Variants in ARV1 observed in about 807,000 individuals in gnomAD.
The protein encoded by ARV1 is ARV1 fatty acid homeostasis modulator, also known as protein ARV1.
In ARV1, 26 loss-of-function variants were observed where a neutral mutation model predicts 31.1. The observed-to-expected ratio is 0.84, with a 90% CI of 0.61 to 1.16. The LOEUF (loss-of-function observed/expected upper bound fraction) is 1.16. ARV1 is among the 50% of genes most tolerant of loss of function. The pLI, the probability that ARV1 is intolerant of heterozygous loss-of-function variation, is 0.00. For missense variants in ARV1, 281 were observed against 324.9 expected (o/e 0.86, Z 1.04); for synonymous variants, 117 against 123.2 (o/e 0.95, Z 0.34).
At chr1:230,990,423 G>T (rs993726087) in intron 3 of ARV1, among the ~76,000 whole-genome samples, 160 bp downstream of exon 3, 1 of 152,216 alleles carries the variant, frequency 6.6e-6, no homozygotes, top group African/African-American at 2.4e-5. Context: ...TACGAGGTGA[G>T]TGTGTTTGAA....
chr1:230,980,762 T>TAA lies in ARV1; in HGVS notation c.174+1483_174+1484insAA, dbSNP rs752035039. ...AGCATGCATACTGTTACTTCTTCCA[T>TAA]CAAAAAAAAAAAAAAAACCAACACC... On this transcript the variant is annotated intron_variant, in intron 1 of 5. Transcript: ENST00000310256. Among the ~76,000 whole-genome samples, 65 of 121,758 alleles carry TAA rather than the reference T, an allele frequency of 5.3e-4. 1 individual carries two copies. Among genetic ancestry groups the TAA allele is most frequent in the Middle Eastern group, 4.2e-3 (1 of 236 alleles). The allele number at this position is 121,758 out of a possible 152,430, so 79.9% of individuals were successfully genotyped here. A position where few individuals can be genotyped will look rare whatever the true frequency, so the allele number is the denominator to read the frequency against.
chr1:230,979,098 G>C lies in ARV1; in HGVS notation c.-8G>C, dbSNP rs1178996516. On this transcript the variant is annotated 5_prime_UTR_variant, in exon 1 of 6. Transcript: ENST00000310256. ...GAATCGGAAGTTCTGGACTGCAGTTGAGTGGAAATGGGCAACGGCGGGCGG... is the reference window on the plus strand; with the variant it reads ...GAATCGGAAGTTCTGGACTGCAGTTCAGTGGAAATGGGCAACGGCGGGCGG... The C allele has an allele frequency of 6.2e-7, 1 of 1,607,224 alleles. No individual in the cohort carries two copies. The highest frequency in any genetic ancestry group is 8.5e-7 in the Non-Finnish European group (1 of 1,177,318).
At chr1:230,985,047 TAG>T (rs1679026671) in intron 1 of ARV1, among the ~76,000 whole-genome samples, 2 of 152,186 alleles carry the variant, frequency 1.3e-5, no homozygotes, top group Non-Finnish European at 2.9e-5. Flanking sequence ...CCTTCCCAGC[TAG>T]AGAGAGTCTT....
chr1:230,997,483 G>A, intron 5 of ARV1, among the ~76,000 whole-genome samples: 1 of 152,066 alleles, frequency 6.6e-6, no homozygotes, highest in East Asian at 1.9e-4. Context: ...CAACATCCAT[G>A]TTTTTGTTGC....
chr1:230,986,668 A>ATTTTTTTTTTTTTTTTTTTTTTTTTTTT (rs1162209283), intron 1 of ARV1, among the ~76,000 whole-genome samples: 2 of 62,356 alleles, frequency 3.2e-5, no homozygotes, highest in Non-Finnish European at 6.2e-5. Context: ...TACTTTTCCT[A>ATTTTTTTTTTTTTTTTTTTTTTTTTTTT]TTTTTTTTTT....
At chr1:230,997,037 CA>C in intron 4 of ARV1, 83 bp from the exon 5 acceptor site, 1 of 1,497,920 alleles carries the variant, frequency 6.7e-7, no homozygotes, top group South Asian at 1.3e-5. Context: ...AACAGCTTTA[CA>C]AAACAATTCA....
At chr1:230,979,706 TG>T (rs1678784773) in intron 1 of ARV1, among the ~76,000 whole-genome samples, 1 of 152,206 alleles carries the variant, frequency 6.6e-6, no homozygotes, top group Non-Finnish European at 1.5e-5. Context: ...CGTTATTGGA[TG>T]TCTACGGTGT....
At position 230,990,122 on chromosome 1, in the gene ARV1, C is replaced by G. The variant is rs747532455; in HGVS notation, c.307C>G (p.Leu103Val). 3.1e-6 allele frequency: 5 copies of G among 1,605,084 alleles called. No homozygotes were observed. Among genetic ancestry groups the G allele is most frequent in the South Asian group, 1.1e-5 (1 of 88,860 alleles). Residue 103 changes from leucine to valine, a missense_variant, in exon 3 of 6, where the codon CTC becomes GTC. Transcript: ENST00000310256. ...CTTTGACTATCAGATCCATGGAAAA[C>G]TCTGCATATTTTGTTTGCTTTGTGA... ...FNTQINIHGK[L>V]CIFCLLCEAY... is the part of the protein sequence containing the mutation.
intron 3 of ARV1, among the ~76,000 whole-genome samples, chr1:230,992,206 G>A (rs1306537931): frequency 5.9e-5 from 9 of 152,030 alleles, no homozygotes; most frequent in Non-Finnish European, 1.0e-4. Flanking sequence ...CTCCCACTGC[G>A]TCTCTCATTT....
At chr1:230,990,581 G>T (rs573107271) in intron 3 of ARV1, 14 of 283,782 alleles carry the variant, frequency 4.9e-5, no homozygotes, top group East Asian at 3.9e-4. Flanking sequence ...TTAAGACAGG[G>T]TCTCACTCTG....
At position 230,995,748 on chromosome 1, in the gene ARV1, TTTC is replaced by T. The variant is rs1679342675; in HGVS notation, c.449-6_449-4del. 5 of 1,599,222 alleles carry T rather than the reference TTTC, an allele frequency of 3.1e-6. No individual in the cohort carries two copies. Among genetic ancestry groups the T allele is most frequent in the Non-Finnish European group, 4.3e-6 (5 of 1,169,080 alleles). On this transcript the variant is annotated splice_polypyrimidine_tract_variant and intron_variant, in intron 3 of 5. Transcript: ENST00000310256. Reference sequence around the variant, plus strand: ...GGGACATTCATACTTTTATTTTCCATTTCTTCTTTAGAACAAACTGCCTATTTT... The same window carrying T: ...GGGACATTCATACTTTTATTTTCCATTTCTTTAGAACAAACTGCCTATTTT...
chr1:230,988,311 T>A lies in ARV1; in HGVS notation c.175-9T>A, dbSNP rs776060398. 1.3e-6 allele frequency: 2 copies of A among 1,583,682 alleles called. No individual in the cohort carries two copies. The highest frequency in any genetic ancestry group is 4.5e-5 in the East Asian group (2 of 44,306). On this transcript the variant is annotated splice_polypyrimidine_tract_variant and intron_variant, in intron 1 of 5. Coordinates refer to ENST00000310256, the MANE Select transcript of ARV1 (RefSeq NM_022786.3). ...TTGCTTGTTCTAATATTATCTTGTA[T>A]TATTTCAGAAATCCTGCCAGAAACC...
intron 1 of ARV1, among the ~76,000 whole-genome samples, chr1:230,985,523 G>A (rs1050451988): frequency 6.6e-6 from 1 of 152,210 alleles, no homozygotes; most frequent in Non-Finnish European, 1.5e-5. Flanking sequence ...AAAGACATTT[G>A]TCAAACAAAT....
intron 1 of ARV1, among the ~76,000 whole-genome samples, chr1:230,980,215 A>G (rs1221042792): frequency 2.0e-5 from 3 of 152,092 alleles, no homozygotes; most frequent in Non-Finnish European, 4.4e-5. Flanking sequence ...AATCCAACAT[A>G]TTGCCTGGTC....
At chr1:230,998,823 A>G (rs1679448503) in intron 5 of ARV1, among the ~76,000 whole-genome samples, 1 of 151,832 alleles carries the variant, frequency 6.6e-6, no homozygotes, top group Non-Finnish European at 1.5e-5. Flanking sequence ...AGGTAGGATG[A>G]TTGCTTGAGC....
At chr1:230,982,709 A>G (rs1364601855) in intron 1 of ARV1, among the ~76,000 whole-genome samples, 2 of 152,234 alleles carry the variant, frequency 1.3e-5, no homozygotes, top group Non-Finnish European at 2.9e-5. Context: ...TTAGGCCATA[A>G]TAGCACGACT....
At chr1:230,987,700 T>C (rs908209656) in intron 1 of ARV1, among the ~76,000 whole-genome samples, 8 of 152,238 alleles carry the variant, frequency 5.3e-5, no homozygotes, top group Non-Finnish European at 1.0e-4. Context: ...AGTCTGTCTC[T>C]ACTCTAGCAG....
rs767939327 is a variant in ARV1 at position 230,995,966 on chromosome 1, A to C, written c.655A>C (p.Asn219His). ...CATTAAAGTATTTGTTCTTACATCA[A>C]ATTTTCAGGCAATTAGAGGTATGTT... ...KLIKVFVLTS[N>H]FQAIRVTLNI... Residue 219 changes from asparagine (N) to histidine (H), a missense_variant, in exon 4 of 6, where the codon AAT becomes CAT. By Grantham distance (68) the Asn-to-His change is moderately conservative (BLOSUM62 1). Coordinates refer to ENST00000310256, the MANE Select transcript of ARV1 (RefSeq NM_022786.3). 2 of 1,613,090 alleles carry C rather than the reference A, an allele frequency of 1.2e-6. No individual in the cohort carries two copies. The highest frequency in any genetic ancestry group is 1.7e-6 in the Non-Finnish European group (2 of 1,179,444).
intron 5 of ARV1, 107 bp from the exon 6 acceptor site, chr1:231,000,031 G>C (rs988209895): frequency 1.3e-5 from 2 of 152,190 alleles, no homozygotes; most frequent in East Asian, 3.9e-4. Flanking sequence ...GGAGAGGCAT[G>C]CCTTGGGTTC....
Sources: gnomAD v4.1 joint callset for allele counts (sites outside exome capture counted in the v4.1 genomes callset) on GRCh38, gnomAD v4.1.1 for gene constraint, MANE v1.5 for transcripts, NCBI Gene and HGNC (gene_info 2026-07-23, HGNC 2026-07-21) for gene names.